Variants in ARHGAP26 observed in about 807,000 individuals in gnomAD.
ARHGAP26 encodes the protein Rho GTPase activating protein 26, also known as rho GTPase-activating protein 26.
A neutral mutation model predicts 104.8 loss-of-function variants in ARHGAP26; 38 were observed. The observed-to-expected ratio is 0.36, with a 90% CI of 0.28 to 0.48. The LOEUF is 0.48. ARHGAP26 is among the 20% of genes least tolerant of loss of function. The probability of loss-of-function intolerance (pLI) is 0.99; values close to 1 mark genes in which losing one functional copy is unlikely to be tolerated. For missense variants in ARHGAP26, 704 were observed against 947.9 expected (o/e 0.74, Z 3.38); for synonymous variants, 341 against 340.0 (o/e 1.00, Z -0.03).
At chr5:143,055,984 T>C in intron 15 of ARHGAP26, 44 bp from the exon 16 acceptor site, 1 of 1,420,142 alleles carries the variant, frequency 7.0e-7, no homozygotes, top group Admixed American at 1.7e-5. Flanking sequence ...AGAATATGAT[T>C]ATTCTTATTA....
chr5:143,065,470 A>G (rs935990309), intron 17 of ARHGAP26, among the ~76,000 whole-genome samples: 2 of 152,224 alleles, frequency 1.3e-5, no homozygotes, highest in Admixed American at 6.5e-5. Flanking sequence ...TCCATGGGGC[A>G]TAAGAGCACA....
At chr5:143,121,554 T>C (rs780661974) in intron 18 of ARHGAP26, among the ~76,000 whole-genome samples, 11 of 152,248 alleles carry the variant, frequency 7.2e-5, no homozygotes, top group Admixed American at 2.6e-4. Context: ...ATGAGTTTTT[T>C]AAATTTTAGG....
intron 17 of ARHGAP26, among the ~76,000 whole-genome samples, chr5:143,063,270 C>T (rs1787003440): frequency 6.6e-6 from 1 of 152,178 alleles, no homozygotes; most frequent in African/African-American, 2.4e-5. Context: ...TCCATCAGTA[C>T]TCCTGTAGTC....
At chr5:142,925,286 G>A (rs1050333259) in intron 10 of ARHGAP26, among the ~76,000 whole-genome samples, 2 of 152,166 alleles carry the variant, frequency 1.3e-5, no homozygotes, top group African/African-American at 4.8e-5. Flanking sequence ...TTTTCCCACA[G>A]AGGGGAGATA....
At chr5:143,045,492 G>A (rs980288127) in intron 14 of ARHGAP26, among the ~76,000 whole-genome samples, 2 of 152,136 alleles carry the variant, frequency 1.3e-5, no homozygotes, top group Non-Finnish European at 2.9e-5. Flanking sequence ...TCAATTCTTG[G>A]TACTGGTAGT....
At chr5:142,826,155 T>C (rs373240209) in intron 1 of ARHGAP26, among the ~76,000 whole-genome samples, 48 of 152,294 alleles carry the variant, frequency 3.2e-4, no homozygotes, top group African/African-American at 1.1e-3. Context: ...GGGGATATGA[T>C]ATGTGATCAA....
At chr5:142,890,157 T>A (rs1274431129) in intron 5 of ARHGAP26, among the ~76,000 whole-genome samples, 1,428 of 42,090 alleles carry the variant, frequency 0.034, 18 homozygotes, top group African/African-American at 0.078. Flanking sequence ...AAAAAATATA[T>A]ATATATATAT....
chr5:143,167,482 CAAAAAAAAAAAAA>C (rs6149274), intron 20 of ARHGAP26, among the ~76,000 whole-genome samples: 21 of 60,084 alleles, frequency 3.5e-4, no homozygotes, highest in African/African-American at 8.4e-4. Context: ...GACTCCATCT[CAAAAAAAAAAAAA>C]AAAAAAAAAA....
At chr5:143,222,310 C>G (rs777027667) in intron 22 of ARHGAP26, 48 bp from the exon 23 acceptor site, 3 of 1,400,860 alleles carry the variant, frequency 2.1e-6, no homozygotes, top group African/African-American at 1.4e-5. Flanking sequence ...GCCGCCTGCT[C>G]TATCTGTAAT....
At chr5:143,003,197 C>T (rs1777431144) in intron 11 of ARHGAP26, among the ~76,000 whole-genome samples, 2 of 152,192 alleles carry the variant, frequency 1.3e-5, no homozygotes. Flanking sequence ...ATGGCCTACT[C>T]CTTCACTGGT....
intron 11 of ARHGAP26, among the ~76,000 whole-genome samples, chr5:142,949,231 A>AGAGAGAGAGAGAGAGAGG (rs1767885627): frequency 4.0e-5 from 1 of 24,988 alleles, no homozygotes; most frequent in African/African-American, 4.0e-4. Context: ...GGAGAGAGAG[A>AGAGAGAGAGAGAGAGAGG]GGAGAGAGAG....
At chr5:142,770,952 G>C (rs1479720012) in intron 1 of ARHGAP26, 37 bp downstream of exon 1, 1 of 1,575,694 alleles carries the variant, frequency 6.3e-7, no homozygotes, top group Non-Finnish European at 8.6e-7. Flanking sequence ...GCGGCTCCGG[G>C]GCGGGAGGAA....
At chr5:142,779,930 G>T (rs1757162985) in intron 1 of ARHGAP26, among the ~76,000 whole-genome samples, 1 of 152,162 alleles carries the variant, frequency 6.6e-6, no homozygotes, top group African/African-American at 2.4e-5. Context: ...TTTTAAAAGG[G>T]TTGCCTAAAT....
chr5:142,890,256 G>C (rs1758469445), intron 5 of ARHGAP26, among the ~76,000 whole-genome samples: 1 of 133,064 alleles, frequency 7.5e-6, no homozygotes, highest in Admixed American at 8.3e-5. Flanking sequence ...AATATAAAAA[G>C]TATTTCTTAC....
intron 11 of ARHGAP26, 116 bp downstream of exon 11, chr5:142,932,241 A>G (rs889063451): frequency 2.2e-6 from 2 of 899,656 alleles, no homozygotes; most frequent in Non-Finnish European, 3.6e-6. Flanking sequence ...AAACCAGTGT[A>G]CCAGAGGTGG....
In ARHGAP26 at chr5:143,223,073, C is replaced by T. The variant is rs758070223; in HGVS notation, c.*627C>T. The stretch of plus-strand genomic sequence containing the variant: ...AGATACAATCCAGTCTTCTCATGCA[C>T]GGGAACACACACACCCTGCGTTTCT... On this transcript the variant is annotated 3_prime_UTR_variant, in exon 23 of 23. Transcript: ENST00000645722. 3 of 233,188 alleles carry T rather than the reference C, an allele frequency of 1.3e-5. No homozygotes were observed. Among genetic ancestry groups the T allele is most frequent in the South Asian group, 1.8e-4 (1 of 5,528 alleles). 14.4% of individuals were successfully genotyped at this position (233,188 alleles called of 1,614,324 possible). A position where few individuals can be genotyped will look rare whatever the true frequency, so the allele number is the denominator to read the frequency against.
At chr5:143,212,354 G>GAA (rs201236164) in intron 21 of ARHGAP26, among the ~76,000 whole-genome samples, 69 of 135,780 alleles carry the variant, frequency 5.1e-4, no homozygotes, top group African/African-American at 8.3e-4. Context: ...AGCCTCTCAA[G>GAA]AAAAAAAAAA....
intron 11 of ARHGAP26, among the ~76,000 whole-genome samples, chr5:143,006,804 A>G (rs1778034544): frequency 6.6e-6 from 1 of 152,210 alleles, no homozygotes; most frequent in Non-Finnish European, 1.5e-5. Flanking sequence ...ATTCCTTCCC[A>G]AAAGCTTTTC....
intron 12 of ARHGAP26, among the ~76,000 whole-genome samples, chr5:143,026,747 A>G (rs999730732): frequency 8.2e-6 from 1 of 122,348 alleles, no homozygotes; most frequent in Non-Finnish European, 1.6e-5. Context: ...GAGCTGATGT[A>G]TGTTTTTAAA....
Sources: allele counts gnomAD v4.1 joint callset (sites outside exome capture counted in the v4.1 genomes callset), GRCh38; gene constraint gnomAD v4.1.1; transcripts MANE v1.5; gene names NCBI Gene and HGNC (gene_info 2026-07-23, HGNC 2026-07-21).